The following KITLG variants were observed in gnomAD, a reference collection of about 807,000 sequenced individuals.
KITLG encodes c-Kit ligand.
KITLG carries 13 observed loss-of-function variants against 34.1 expected under a neutral mutation model. The observed-to-expected ratio is 0.38, with a 90% CI of 0.25 to 0.61. The LOEUF is 0.61. Among genes scored for constraint, KITLG ranks in the 20% least tolerant of loss-of-function variants. The pLI is 0.60. For missense variants in KITLG, 292 were observed against 318.9 expected (o/e 0.92, Z 0.64); for synonymous variants, 110 against 104.0 (o/e 1.06, Z -0.35).
Position 88,545,610 on chromosome 12 carries a change from T to C in KITLG, c.129+142A>G, listed in dbSNP as rs1870692701. 4 of 611,352 alleles carry C rather than the reference T, an allele frequency of 6.5e-6. No individual in the cohort carries two copies. The South Asian group carries it at 8.1e-5, about 12-fold the overall frequency. The allele number at this position is 611,352 out of a possible 1,614,324, so 37.9% of individuals were successfully genotyped here. ...TCACTACCTGCTTTCTATAAACCCT[T>C]TATTGTAACCCAGTGATTACTTTCC... On this transcript the variant is annotated intron_variant, in intron 2 of 9. Coordinates refer to ENST00000644744, the MANE Select transcript of KITLG (RefSeq NM_000899.5).
chr12:88,553,689 T>C (rs1271166660), intron 1 of KITLG, among the ~76,000 whole-genome samples: 3 of 152,180 alleles, frequency 2.0e-5, no homozygotes, highest in African/African-American at 7.2e-5. Context: ...AATCCTTTCA[T>C]TGCTAAATGT....
At chr12:88,538,420 AG>A (rs2120893937) in intron 2 of KITLG, among the ~76,000 whole-genome samples, 1 of 151,812 alleles carries the variant, frequency 6.6e-6, no homozygotes, top group East Asian at 1.9e-4. Flanking sequence ...TAAGATAAAG[AG>A]GGCAAACTAG....
chr12:88,562,038 C>T (rs939991693), intron 1 of KITLG, among the ~76,000 whole-genome samples: 2 of 152,278 alleles, frequency 1.3e-5, no homozygotes, highest in African/African-American at 4.8e-5. Context: ...TTAGTTTACT[C>T]TTATCATCTG....
intron 8 of KITLG, among the ~76,000 whole-genome samples, chr12:88,505,475 A>G (rs1390377897): frequency 6.6e-6 from 1 of 152,180 alleles, no homozygotes; most frequent in African/African-American, 2.4e-5. Flanking sequence ...ACACATACCA[A>G]GCATGCCTAT....
intron 3 of KITLG, among the ~76,000 whole-genome samples, chr12:88,530,396 G>T (rs1238760078): frequency 6.6e-6 from 1 of 152,062 alleles, no homozygotes; most frequent in African/African-American, 2.4e-5. Context: ...AATCATAATA[G>T]CTATTTTACC....
chr12:88,552,176 ATTTTT>A (rs200666559), intron 1 of KITLG, among the ~76,000 whole-genome samples: 1 of 137,316 alleles, frequency 7.3e-6, no homozygotes, highest in Non-Finnish European at 1.6e-5. Context: ...AATTATGATA[ATTTTT>A]TTTTTTTTTT....
In KITLG at chr12:88,515,543, T is replaced by A. The variant is rs1401875654; in HGVS notation, c.595A>T (p.Ser199Cys). ...AGATATATGTACTTACTATTACTGCTACTGCTGTCATTCCTAAGGGAGCTG... is the reference window on the plus strand; with the variant it reads ...AGATATATGTACTTACTATTACTGCAACTGCTGTCATTCCTAAGGGAGCTG... Reference protein sequence around the residue: ...AASSLRNDSSSSNRKAKNPPG... With the variant: ...AASSLRNDSSCSNRKAKNPPG... The change falls in exon 6 of 10, where the codon AGC becomes TGC. Residue 199 changes from serine (S) to cysteine (C), a missense_variant. Around this residue, in one of 2 missense-constraint regions of KITLG, gnomAD observed 140 missense variants for 111.0 expected, o/e 1.26. Transcript: ENST00000644744. The A allele has an allele frequency of 2.5e-5, 40 of 1,606,198 alleles. No homozygotes were observed. The highest frequency in any genetic ancestry group is 3.3e-5 in the Non-Finnish European group (39 of 1,173,428).
At chr12:88,576,787 A>C (rs1871842951) in intron 1 of KITLG, among the ~76,000 whole-genome samples, 1 of 152,080 alleles carries the variant, frequency 6.6e-6, no homozygotes, top group African/African-American at 2.4e-5. Context: ...ATGTAGTGGA[A>C]TTTGCCAATC....
intron 2 of KITLG, among the ~76,000 whole-genome samples, chr12:88,543,541 T>C (rs376283647): frequency 3.3e-5 from 5 of 152,196 alleles, no homozygotes; most frequent in African/African-American, 1.2e-4. Flanking sequence ...TGGTTCCAAG[T>C]CTTTGCTATT....
At chr12:88,504,028 T>C (rs941588812) in intron 9 of KITLG, among the ~76,000 whole-genome samples, 10 of 152,178 alleles carry the variant, frequency 6.6e-5, no homozygotes, top group African/African-American at 2.2e-4. Flanking sequence ...TTAGTAATAC[T>C]TAATTTTAGT....
intron 1 of KITLG, among the ~76,000 whole-genome samples, chr12:88,564,719 C>T (rs938898093): frequency 1.4e-5 from 2 of 138,296 alleles, no homozygotes; most frequent in East Asian, 4.3e-4. Context: ...GATCTACACC[C>T]AAAACCAAGA....
At chr12:88,535,706 C>T (rs1005940381) in intron 2 of KITLG, among the ~76,000 whole-genome samples, 5 of 152,270 alleles carry the variant, frequency 3.3e-5, no homozygotes, top group African/African-American at 1.2e-4. Flanking sequence ...AGCATTTATA[C>T]AGATTGAACA....
At chr12:88,548,454 CAAA>C (rs67719813) in intron 1 of KITLG, among the ~76,000 whole-genome samples, 43 of 146,458 alleles carry the variant, frequency 2.9e-4, no homozygotes, top group Admixed American at 3.4e-4. Flanking sequence ...ACTACATCAC[CAAA>C]AAAAAAAAAA....
At chr12:88,545,391 G>T (rs1401560949) in intron 2 of KITLG, among the ~76,000 whole-genome samples, 3 of 152,178 alleles carry the variant, frequency 2.0e-5, no homozygotes, top group Non-Finnish European at 4.4e-5. Flanking sequence ...ATGTGAAGGG[G>T]AATAGAACAT....
rs1039492122 is a variant in KITLG, at chr12:88,580,357, G to T, written c.-79C>A. 3.3e-6 allele frequency: 5 copies of T among 1,533,026 alleles called. No individual in the cohort carries two copies. Among genetic ancestry groups the T allele is most frequent in the Non-Finnish European group, 4.5e-6 (5 of 1,115,830 alleles). 95.0% of individuals were successfully genotyped at this position (1,533,026 alleles called of 1,614,324 possible). A position where few individuals can be genotyped will look rare whatever the true frequency, so the allele number is the denominator to read the frequency against. Reference sequence around the variant, plus strand: ...AGCTGTTCTGGAGCTCCAGCATATTGCACGAACAGCGGCGGCAGATAGTCC... The same window carrying T: ...AGCTGTTCTGGAGCTCCAGCATATTTCACGAACAGCGGCGGCAGATAGTCC... On this transcript the variant is annotated 5_prime_UTR_variant, in exon 1 of 10. Transcript: ENST00000644744.
rs1025557450 is a variant in KITLG, at chr12:88,526,450, G to A, written c.192+5991C>T. On this transcript the variant is annotated intron_variant, in intron 3 of 9. Coordinates refer to ENST00000644744, the MANE Select transcript of KITLG (RefSeq NM_000899.5). ...CAAGGAAATTACAAATGATTATATGGTAGGGAAATTTTCTTCCTCCTTCCT... is the reference window on the plus strand; with the variant it reads ...CAAGGAAATTACAAATGATTATATGATAGGGAAATTTTCTTCCTCCTTCCT... Among the ~76,000 whole-genome samples, 3 of 152,118 alleles carry A rather than the reference G, an allele frequency of 2.0e-5. No homozygotes were observed. In the East Asian group the frequency reaches 5.8e-4, roughly 29 times the overall value.
At position 88,505,147 on chromosome 12, in the gene KITLG, A is replaced by G. The variant is rs1869010069; in HGVS notation, c.*37+12T>C. 1.4e-6 allele frequency: 2 copies of G among 1,408,700 alleles called. No homozygotes were observed. Among genetic ancestry groups the G allele is most frequent in the South Asian group, 2.4e-5 (2 of 83,156 alleles). 87.3% of individuals were successfully genotyped at this position (1,408,700 alleles called of 1,614,324 possible). On this transcript the variant is annotated intron_variant, in intron 9 of 9. Transcript: ENST00000644744. ...AAAAAAGAAAAAAAAAGGAAAGAAG[A>G]AAAAAACTTACCAATGTACGAAAGT...
At chr12:88,530,671 T>A (rs1566024926) in intron 3 of KITLG, among the ~76,000 whole-genome samples, 1 of 152,144 alleles carries the variant, frequency 6.6e-6, no homozygotes, top group Non-Finnish European at 1.5e-5. Context: ...CTGCTAATAA[T>A]TTTCCATTTC....
At chr12:88,555,270 A>G (rs1871058214) in intron 1 of KITLG, among the ~76,000 whole-genome samples, 2 of 152,160 alleles carry the variant, frequency 1.3e-5, no homozygotes, top group South Asian at 2.1e-4. Flanking sequence ...CTCAAAATAT[A>G]TTGACTTCTA....
Sources: allele counts gnomAD v4.1 joint callset (sites outside exome capture counted in the v4.1 genomes callset), GRCh38; gene constraint gnomAD v4.1.1; regional missense constraint gnomAD v4.1.1; transcripts MANE v1.5; gene names NCBI Gene and HGNC (gene_info 2026-07-23, HGNC 2026-07-21).